Variants in SNRPN observed in about 807,000 individuals in gnomAD.
SNRPN encodes the protein small nuclear ribonucleoprotein-associated protein N.
Under a neutral mutation model 25.2 loss-of-function variants are expected in SNRPN, and 7 were observed. The ratio of observed to expected loss-of-function variants is 0.28; its 90% confidence interval spans 0.16 to 0.52. SNRPN has a LOEUF of 0.52. Ranked by LOEUF, SNRPN falls within the 20% of genes least tolerant of loss-of-function variation. The probability of loss-of-function intolerance (pLI) is 0.96; values close to 1 mark genes in which losing one functional copy is unlikely to be tolerated. For missense variants in SNRPN, 196 were observed against 322.5 expected, an observed-to-expected ratio of 0.61 and a Z score of 3.00; for synonymous variants, 124 against 110.6, an observed-to-expected ratio of 1.12 and a Z score of -0.76.
rs10561076 is a variant in SNRPN, at chr15:24,918,932, TGC to T, written c.-504-1076_-504-1075del. ...ACATATATATAACATAATATATATA[TGC>T]GCACATATATATAACATAATATATA... On this transcript the variant is annotated intron_variant, in intron 2 of 11. Transcript: ENST00000400097. 3.5e-5 allele frequency among the ~76,000 whole-genome samples: 3 copies of T among 85,320 alleles called. 1 individual carries two copies. The highest frequency in any genetic ancestry group is 6.7e-5 in the Non-Finnish European group (3 of 44,794). The allele number at this position is 85,320 out of a possible 152,430, so 56.0% of individuals were successfully genotyped here. A position where few individuals can be genotyped will look rare whatever the true frequency, so the allele number is the denominator to read the frequency against.
At chr15:24,977,653 A>C in intron 7 of SNRPN, 125 bp from the exon 8 acceptor site, 2 of 945,570 alleles carry the variant, frequency 2.1e-6, no homozygotes, top group East Asian at 5.7e-5. Context: ...AAACATGGGA[A>C]TAATGAGAGA....
chr15:24,884,945 T>A (rs933650824), intron 1 of SNRPN, among the ~76,000 whole-genome samples: 1 of 152,142 alleles, frequency 6.6e-6, no homozygotes, highest in African/African-American at 2.4e-5. Context: ...GAGTAGAGCA[T>A]CCTCAGAAAG....
intron 2 of SNRPN, among the ~76,000 whole-genome samples, chr15:24,846,071 C>T (rs545562508): frequency 4.7e-5 from 7 of 147,728 alleles, no homozygotes; most frequent in Admixed American, 6.8e-5. Flanking sequence ...GGTGACAGAA[C>T]GAGACTCCGT....
intron 2 of SNRPN, among the ~76,000 whole-genome samples, chr15:24,889,456 C>T (rs1159759637): frequency 5.9e-5 from 9 of 151,886 alleles, no homozygotes; most frequent in African/African-American, 2.2e-4. Flanking sequence ...GCGCCTGCCA[C>T]CACGCCCAGC....
intron 1 of SNRPN, among the ~76,000 whole-genome samples, chr15:24,883,469 C>G (rs2056921149): frequency 6.6e-6 from 1 of 152,134 alleles, no homozygotes; most frequent in African/African-American, 2.4e-5. Flanking sequence ...TCCCTACCCC[C>G]TCAACAAACA....
intron 3 of SNRPN, among the ~76,000 whole-genome samples, chr15:24,930,544 G>C (rs895013687): frequency 1.4e-5 from 2 of 142,154 alleles, no homozygotes; most frequent in African/African-American, 5.1e-5. Context: ...TCAGGAATTT[G>C]AGACCGGCCT....
chr15:24,930,416 A>G (rs941465006), intron 3 of SNRPN, among the ~76,000 whole-genome samples: 7 of 151,692 alleles, frequency 4.6e-5, no homozygotes, highest in African/African-American at 1.7e-4. Context: ...AATATAGATT[A>G]TTGCCTTCAG....
At chr15:24,934,700 C>G (rs773619350) in intron 3 of SNRPN, among the ~76,000 whole-genome samples, 1 of 152,258 alleles carries the variant, frequency 6.6e-6, no homozygotes, top group South Asian at 2.1e-4. Flanking sequence ...GAAGCAGAGG[C>G]GTGTGCCTCC....
At chr15:24,829,757 A>G (rs2050371483) in intron 1 of SNRPN, 1 of 152,202 alleles carries the variant, frequency 6.6e-6, no homozygotes, top group Admixed American at 6.5e-5. Flanking sequence ...AAGAGAGTGA[A>G]AAGGGGCAAA....
At chr15:24,927,491 TTTTTTTTTTTTTTTTTTTTTTTTTTTTAC>T (rs2060480973) in intron 3 of SNRPN, among the ~76,000 whole-genome samples, 3 of 24,156 alleles carry the variant, frequency 1.2e-4, no homozygotes, top group African/African-American at 2.0e-4. Flanking sequence ...TTTTTTTTTT[TTTTTTTTTTTTTTTTTTTTTTTTTTTTAC>T]TTTTGACCAC....
intron 3 of SNRPN, among the ~76,000 whole-genome samples, chr15:24,921,610 C>G (rs17785279): frequency 0.033 from 5,039 of 152,102 alleles, 99 homozygotes; most frequent in Non-Finnish European, 0.043. Context: ...GGTAAATGAC[C>G]TTATGATCAG....
chr15:24,860,471 A>G (rs1256935106), intron 1 of SNRPN, among the ~76,000 whole-genome samples: 1 of 152,204 alleles, frequency 6.6e-6, no homozygotes, highest in Non-Finnish European at 1.5e-5. Flanking sequence ...TCATTTATAA[A>G]TACAAAGCTC....
intron 2 of SNRPN, among the ~76,000 whole-genome samples, chr15:24,965,821 G>A (rs886749831): frequency 5.3e-5 from 8 of 152,002 alleles, no homozygotes; most frequent in Non-Finnish European, 1.2e-4. Context: ...AGATCTGAGG[G>A]GGACATTGCA....
At chr15:24,962,905 GTTTT>G (rs901734385) in intron 2 of SNRPN, among the ~76,000 whole-genome samples, 8 of 151,404 alleles carry the variant, frequency 5.3e-5, no homozygotes, top group African/African-American at 1.9e-4. Flanking sequence ...AGCTACAATT[GTTTT>G]TTTTAATTAT....
At chr15:24,956,059 G>A (rs546910599) in intron 1 of SNRPN, among the ~76,000 whole-genome samples, 1 of 152,210 alleles carries the variant, frequency 6.6e-6, no homozygotes, top group South Asian at 2.1e-4. Context: ...CTACACTGCC[G>A]CAGGGGCTGC....
chr15:24,845,633 G>A (rs139169762), intron 2 of SNRPN, among the ~76,000 whole-genome samples: 8 of 152,110 alleles, frequency 5.3e-5, no homozygotes, highest in African/African-American at 1.9e-4. Context: ...CGTGAAATAA[G>A]TAGTGAGTCC....
intron 2 of SNRPN, among the ~76,000 whole-genome samples, chr15:24,898,264 G>C (rs2058203754): frequency 6.6e-6 from 1 of 152,174 alleles, no homozygotes; most frequent in South Asian, 2.1e-4. Context: ...ACATCATGTA[G>C]GTCATTTCAT....
intron 1 of SNRPN, among the ~76,000 whole-genome samples, chr15:24,874,121 T>C (rs927844074): frequency 6.6e-6 from 1 of 151,330 alleles, no homozygotes; most frequent in Non-Finnish European, 1.5e-5. Context: ...TTATCCTGGC[T>C]AACACAGTGA....
At chr15:24,942,053 C>G (rs543275629) in intron 3 of SNRPN, among the ~76,000 whole-genome samples, 3 of 152,318 alleles carry the variant, frequency 2.0e-5, no homozygotes, top group African/African-American at 7.2e-5. Context: ...GCTGGGATTA[C>G]AGGCATGAGC....
Sources: allele counts gnomAD v4.1 joint callset (sites outside exome capture counted in the v4.1 genomes callset), GRCh38; gene constraint gnomAD v4.1.1; transcripts MANE v1.5; gene names NCBI Gene and HGNC (gene_info 2026-07-23, HGNC 2026-07-21).